CORO7: variants seen among roughly 807,000 people sequenced by gnomAD.
CORO7 encodes coronin 7, also known as coronin-7.
Under a neutral mutation model 126.6 loss-of-function variants are expected in CORO7, and 107 were observed. The ratio of observed to expected loss-of-function variants is 0.85; its 90% CI spans 0.72 to 0.99. The LOEUF is 0.99. CORO7 is among the 50% of genes least tolerant of loss of function. The pLI, the probability that CORO7 is intolerant of heterozygous loss-of-function variation, is 0.00. For missense variants in CORO7, 1,314 were observed against 1,255.8 expected (o/e 1.05, Z -0.70); for synonymous variants, 603 against 536.8 (o/e 1.12, Z -1.70).
intron 23 of CORO7, chr16:4,358,829 T>C (rs920026695): frequency 5.7e-5 from 17 of 299,076 alleles, no homozygotes; most frequent in African/African-American, 3.5e-4. Flanking sequence ...CAAATAATAG[T>C]AAAATTGGAT....
rs944521987 is a variant in CORO7 at position 4,407,540 on chromosome 16, C to G, written c.448G>C (p.Val150Leu). The change falls in exon 5 of 28, where the codon GTG becomes CTG. Residue 150 changes from valine (V) to leucine (L), a missense_variant. Val to Leu is a conservative substitution (Grantham distance 32). Coordinates refer to ENST00000251166, the MANE Select transcript of CORO7 (RefSeq NM_024535.5). ...TGCTTGGCTGCGTCCCAGACCTTCA[C>G]AGTGGTGCCTGCTGCGCTCACCAGA... ...GILVSAAGTTVKVWDAAKQQP... is the reference protein window; with the variant it reads ...GILVSAAGTTLKVWDAAKQQP... 4 of 1,578,850 alleles carry G rather than the reference C, an allele frequency of 2.5e-6. No individual in the cohort carries two copies. In the South Asian group the frequency reaches 4.6e-5, roughly 18 times the overall value.
intron 9 of CORO7, among the ~76,000 whole-genome samples, chr16:4,385,500 CAG>C (rs2055166278): frequency 6.6e-6 from 1 of 152,210 alleles, no homozygotes; most frequent in African/African-American, 2.4e-5. Flanking sequence ...GCACCCAAGA[CAG>C]GTGTATCTCT....
chr16:4,400,632 TCAAAAA>T (rs534799292), intron 6 of CORO7, among the ~76,000 whole-genome samples: 81 of 149,594 alleles, frequency 5.4e-4, no homozygotes, highest in African/African-American at 1.5e-3. Flanking sequence ...AGACTCTGTC[TCAAAAA>T]CAAAAACAAA....
chr16:4,386,894 G>A (rs2055211109), intron 9 of CORO7, among the ~76,000 whole-genome samples: 2 of 152,186 alleles, frequency 1.3e-5, no homozygotes, highest in Non-Finnish European at 2.9e-5. Context: ...CTCTTCTGGG[G>A]ACTCCCCGGA....
intron 19 of CORO7, 38 bp downstream of exon 19, chr16:4,360,905 T>C: frequency 6.3e-7 from 1 of 1,591,558 alleles, no homozygotes; most frequent in South Asian, 1.1e-5. Context: ...TGGCCCCGCC[T>C]CTCCACACTG....
At chr16:4,364,728 C>A (rs1438753924) in intron 12 of CORO7, 39 bp from the exon 13 acceptor site, 2 of 1,591,142 alleles carry the variant, frequency 1.3e-6, no homozygotes, top group East Asian at 2.3e-5. Flanking sequence ...AGGCCCAGGC[C>A]CCCCGACTCC....
At chr16:4,404,047 T>A (rs2055907262) in intron 6 of CORO7, among the ~76,000 whole-genome samples, 1 of 152,202 alleles carries the variant, frequency 6.6e-6, no homozygotes, top group South Asian at 2.1e-4. Context: ...CAGGACTCTC[T>A]GCTCAACGCA....
intron 9 of CORO7, among the ~76,000 whole-genome samples, chr16:4,368,747 C>CAAA (rs1283259505): frequency 0.064 from 3,601 of 56,544 alleles, 85 homozygotes; most frequent in Admixed American, 0.13. Flanking sequence ...GACTCCATCT[C>CAAA]AAAAAAAAAA....
intron 7 of CORO7, among the ~76,000 whole-genome samples, chr16:4,390,760 A>G (rs2055359055): frequency 6.6e-6 from 1 of 152,220 alleles, no homozygotes; most frequent in Admixed American, 6.5e-5. Flanking sequence ...CATGGTGCAA[A>G]GTGGCTTGGC....
chr16:4,396,714 T>A (rs1465873785), intron 6 of CORO7, among the ~76,000 whole-genome samples: 1 of 152,018 alleles, frequency 6.6e-6, no homozygotes, highest in South Asian at 2.1e-4. Flanking sequence ...CAACTGGAAT[T>A]TGAAATGAAA....
intron 16 of CORO7, 180 bp downstream of exon 16, chr16:4,361,805 T>G: frequency 1.9e-6 from 2 of 1,025,820 alleles, no homozygotes; most frequent in Non-Finnish European, 2.9e-6. Flanking sequence ...CTCCCTCATC[T>G]GTAAAATGGG....
chr16:4,395,322 G>A lies in CORO7; in HGVS notation c.582C>T (p.Ile194=), dbSNP rs1366661696. ...GTACKDKQLR[I]FDPRTKPRAS... is the part of the protein sequence containing the mutation. Reference sequence around the variant, plus strand: ...CCCGCGGCTTTGTTCTGGGGTCAAAGATCCGCAGCTGCTTGTCCTGGAAAA... The same window carrying A: ...CCCGCGGCTTTGTTCTGGGGTCAAAAATCCGCAGCTGCTTGTCCTGGAAAA... The change falls in exon 7 of 28, where the codon ATC becomes ATT. Residue 194 remains isoleucine, a synonymous_variant. Coordinates refer to ENST00000251166, the MANE Select transcript of CORO7 (RefSeq NM_024535.5). 1.2e-6 allele frequency: 2 copies of A among 1,614,098 alleles called. No homozygotes were observed.
At chr16:4,410,616 A>T (rs2056168263) in intron 3 of CORO7, among the ~76,000 whole-genome samples, 1 of 152,240 alleles carries the variant, frequency 6.6e-6, no homozygotes, top group Non-Finnish European at 1.5e-5. Context: ...GCTGCCACAC[A>T]CATGTATCTC....
At chr16:4,406,331 T>C (rs2055996818) in intron 5 of CORO7, among the ~76,000 whole-genome samples, 1 of 152,126 alleles carries the variant, frequency 6.6e-6, no homozygotes, top group Non-Finnish European at 1.5e-5. Flanking sequence ...CATCTCACTC[T>C]GTTGCCCAGG....
chr16:4,381,775 T>A (rs2054982911), intron 9 of CORO7: 9 of 1,601,178 alleles, frequency 5.6e-6, no homozygotes, highest in Non-Finnish European at 6.8e-6. Context: ...CCGCAACCCC[T>A]TCAACTGCGT....
chr16:4,356,370 C>T (rs946355964), intron 26 of CORO7: 3 of 152,394 alleles, frequency 2.0e-5, no homozygotes, highest in East Asian at 3.9e-4. Flanking sequence ...GCTGGGATTA[C>T]AGGTGTGAAC....
intron 26 of CORO7, chr16:4,356,730 G>T: frequency 4.8e-6 from 1 of 206,998 alleles, no homozygotes; most frequent in Non-Finnish European, 1.0e-5. Flanking sequence ...ACCGTGCCCG[G>T]CCTCAAAAGA....
At chr16:4,370,301 C>T (rs1439384628) in intron 9 of CORO7, among the ~76,000 whole-genome samples, 6 of 152,208 alleles carry the variant, frequency 3.9e-5, no homozygotes, top group Non-Finnish European at 8.8e-5. Flanking sequence ...GGGCAGGAAA[C>T]TCAAGTGAGT....
chr16:4,388,171 C>T, intron 8 of CORO7, 103 bp from the exon 9 acceptor site: 1 of 1,439,678 alleles, frequency 6.9e-7, no homozygotes, highest in South Asian at 1.2e-5. Context: ...TGACACGGGG[C>T]ACCTGCCCCA....
Sources: allele counts gnomAD v4.1 joint callset (sites outside exome capture counted in the v4.1 genomes callset), GRCh38; gene constraint gnomAD v4.1.1; transcripts MANE v1.5; gene names NCBI Gene and HGNC (gene_info 2026-07-23, HGNC 2026-07-21).